Variants in DLG2 observed in about 807,000 individuals in gnomAD.
The protein encoded by DLG2 is disks large homolog 2.
DLG2 carries 45 observed loss-of-function variants against 132.5 expected under a neutral mutation model. The ratio of observed to expected loss-of-function variants is 0.34; its 90% confidence interval spans 0.27 to 0.44. The LOEUF is 0.44. DLG2 is among the 20% of genes least tolerant of loss of function. The pLI, the probability that DLG2 is intolerant of heterozygous loss-of-function variation, is 1.00. For synonymous variants in DLG2, 424 were observed against 419.6 expected, an observed-to-expected ratio of 1.01 and a Z score of -0.13; for missense variants, 1,045 against 1,196.9, an observed-to-expected ratio of 0.87 and a Z score of 1.87.
intron 3 of DLG2, among the ~76,000 whole-genome samples, chr11:85,492,353 G>A (rs1364570423): frequency 2.0e-5 from 3 of 152,042 alleles, no homozygotes; most frequent in Non-Finnish European, 4.4e-5. Context: ...TAATTACAAT[G>A]AAGCCATTTA....
intron 18 of DLG2, among the ~76,000 whole-genome samples, chr11:83,764,099 G>T (rs540375099): frequency 7.9e-5 from 12 of 152,334 alleles, no homozygotes; most frequent in African/African-American, 2.4e-4. Context: ...GGAAAGAGAA[G>T]CCATTTCTTA....
At chr11:83,460,026 T>A (rs2089587668) in intron 27 of DLG2, 102 bp from the exon 28 acceptor site, 2 of 593,888 alleles carry the variant, frequency 3.4e-6, no homozygotes, top group Non-Finnish European at 6.0e-6. Context: ...AGCAGATGAC[T>A]CATCAGGAAG....
intron 3 of DLG2, among the ~76,000 whole-genome samples, chr11:85,557,587 T>C (rs989960004): frequency 2.0e-5 from 3 of 151,640 alleles, no homozygotes; most frequent in East Asian, 3.8e-4. Context: ...AAACAGCATG[T>C]TAATGGTACA....
chr11:83,579,640 TA>T (rs35210238), intron 19 of DLG2, among the ~76,000 whole-genome samples: 1 of 151,918 alleles, frequency 6.6e-6, no homozygotes, highest in South Asian at 2.1e-4. Flanking sequence ...ATAAAATGCT[TA>T]AAAAAATGAA....
chr11:84,873,411 A>T (rs2085806377), intron 6 of DLG2, among the ~76,000 whole-genome samples: 1 of 152,192 alleles, frequency 6.6e-6, no homozygotes, highest in African/African-American at 2.4e-5. Flanking sequence ...TGTAAGACTC[A>T]TTTTTGACTT....
chr11:84,757,517 A>G (rs1016675875), intron 6 of DLG2, among the ~76,000 whole-genome samples: 2 of 152,168 alleles, frequency 1.3e-5, no homozygotes, highest in African/African-American at 2.4e-5. Context: ...TTTTCTGTCC[A>G]TGTTGCCTGA....
chr11:83,815,738 T>G (rs558465597), intron 17 of DLG2, among the ~76,000 whole-genome samples: 115 of 152,264 alleles, frequency 7.6e-4, no homozygotes, highest in African/African-American at 2.7e-3. Context: ...CTATTGCAGT[T>G]ACCAAGCAAG....
At chr11:85,000,636 T>A (rs1318105065) in intron 6 of DLG2, among the ~76,000 whole-genome samples, 1 of 152,182 alleles carries the variant, frequency 6.6e-6, no homozygotes, top group Non-Finnish European at 1.5e-5. Context: ...ATAACTGAAC[T>A]TACATCAAAG....
intron 7 of DLG2, among the ~76,000 whole-genome samples, chr11:84,383,879 G>A (rs1328599951): frequency 6.6e-6 from 1 of 151,886 alleles, no homozygotes; most frequent in Non-Finnish European, 1.5e-5. Context: ...TTGTTTCAAG[G>A]GACTGTTCGT....
chr11:83,981,422 T>A (rs561900470), intron 11 of DLG2, among the ~76,000 whole-genome samples: 6 of 152,044 alleles, frequency 3.9e-5, no homozygotes, highest in African/African-American at 1.4e-4. Context: ...ATAAAAAGAA[T>A]GTTAAAAAAT....
At chr11:84,078,747 C>T (rs2096862018) in intron 10 of DLG2, among the ~76,000 whole-genome samples, 1 of 152,130 alleles carries the variant, frequency 6.6e-6, no homozygotes, top group South Asian at 2.1e-4. Flanking sequence ...GGACTAAGTC[C>T]TAGCTTCTCT....
chr11:83,567,088 A>G (rs1278435844), intron 19 of DLG2, among the ~76,000 whole-genome samples: 2 of 152,162 alleles, frequency 1.3e-5, no homozygotes, highest in East Asian at 3.9e-4. Context: ...AAATGGAAAC[A>G]GAGACATAAA....
At chr11:83,817,515 C>T (rs2049367182) in intron 17 of DLG2, among the ~76,000 whole-genome samples, 1 of 152,028 alleles carries the variant, frequency 6.6e-6, no homozygotes, top group African/African-American at 2.4e-5. Context: ...AACCAATGGA[C>T]TCTGAAAAAA....
At chr11:84,307,696 A>C (rs926352507) in intron 7 of DLG2, among the ~76,000 whole-genome samples, 2 of 71,556 alleles carry the variant, frequency 2.8e-5, no homozygotes, top group African/African-American at 1.1e-4. Flanking sequence ...ACGCAGTCTC[A>C]AAAAAAAAAA....
intron 7 of DLG2, among the ~76,000 whole-genome samples, chr11:84,352,952 CT>C (rs763531043): frequency 1.2e-4 from 18 of 152,108 alleles, no homozygotes; most frequent in Non-Finnish European, 2.4e-4. Flanking sequence ...TACTCTCTTC[CT>C]TACAACACAT....
At chr11:84,366,113 T>C (rs1449820560) in intron 7 of DLG2, among the ~76,000 whole-genome samples, 1 of 152,028 alleles carries the variant, frequency 6.6e-6, no homozygotes, top group Non-Finnish European at 1.5e-5. Context: ...ACAGCGGATC[T>C]CTCGGCAGAA....
chr11:83,674,600 T>C (rs1374280576), intron 18 of DLG2, among the ~76,000 whole-genome samples: 6 of 152,242 alleles, frequency 3.9e-5, no homozygotes, highest in Non-Finnish European at 8.8e-5. Flanking sequence ...CTTCTTTCTC[T>C]GCACTGAAGA....
At chr11:83,727,332 G>C (rs1187799157) in intron 18 of DLG2, among the ~76,000 whole-genome samples, 1 of 152,102 alleles carries the variant, frequency 6.6e-6, no homozygotes, top group Non-Finnish European at 1.5e-5. Context: ...GTCCTATGTA[G>C]AGGCCACAGT....
chr11:85,287,281 G>T (rs1482196695), intron 3 of DLG2, among the ~76,000 whole-genome samples: 10 of 151,844 alleles, frequency 6.6e-5, no homozygotes, highest in Non-Finnish European at 2.9e-5. Context: ...ACAGACAAAG[G>T]AACAGTATCC....
Sources: allele counts gnomAD v4.1 joint callset (sites outside exome capture counted in the v4.1 genomes callset), GRCh38; gene constraint gnomAD v4.1.1; transcripts MANE v1.5; gene names NCBI Gene and HGNC (gene_info 2026-07-23, HGNC 2026-07-21).